MAGI3: variants seen among roughly 807,000 people sequenced by gnomAD.
MAGI3 encodes membrane associated guanylate kinase, WW and PDZ domain containing 3, also known as membrane-associated guanylate kinase, WW and PDZ domain-containing protein 3.
In MAGI3, 43 loss-of-function variants were observed where a neutral mutation model predicts 121.8. The observed-to-expected ratio is 0.35, with a 90% CI of 0.28 to 0.46. The LOEUF (loss-of-function observed/expected upper bound fraction) is 0.46. Among genes scored for constraint, MAGI3 ranks in the 20% least tolerant of loss-of-function variants. The pLI, the probability that MAGI3 is intolerant of heterozygous loss-of-function variation, is 1.00. For synonymous variants in MAGI3, 553 were observed against 639.3 expected (o/e 0.86, Z 2.04); for missense variants, 1,547 against 1,797.3 (o/e 0.86, Z 2.52).
At chr1:113,481,083 C>T (rs1557779847) in intron 1 of MAGI3, among the ~76,000 whole-genome samples, 1 of 152,182 alleles carries the variant, frequency 6.6e-6, no homozygotes, top group South Asian at 2.1e-4. Flanking sequence ...CTATGCATCT[C>T]TCTTCTTTCC....
At position 113,506,586 on chromosome 1, in the gene MAGI3, CT is replaced by C. The variant is rs1557792521; in HGVS notation, c.317-42928del. 3.3e-5 allele frequency among the ~76,000 whole-genome samples: 5 copies of C among 152,144 alleles called. No homozygotes were observed. In the South Asian group the frequency reaches 1.0e-3, roughly 31 times the overall value. On this transcript the variant is annotated intron_variant, in intron 1 of 20. Transcript: ENST00000307546. Reference sequence around the variant, plus strand: ...CAAAGTATTGGTTTAAGTGCTTTTGCTATATTAAATCCTTTTATCCTCAAAC... The same window carrying C: ...CAAAGTATTGGTTTAAGTGCTTTTGCATATTAAATCCTTTTATCCTCAAAC...
chr1:113,480,960 A>G (rs1347333886), intron 1 of MAGI3, among the ~76,000 whole-genome samples: 1 of 152,230 alleles, frequency 6.6e-6, no homozygotes, highest in Non-Finnish European at 1.5e-5. Flanking sequence ...GACCTGGTCC[A>G]CAAAAGCCAG....
intron 1 of MAGI3, among the ~76,000 whole-genome samples, chr1:113,392,021 G>C (rs564869730): frequency 1.3e-5 from 2 of 152,330 alleles, no homozygotes; most frequent in East Asian, 3.9e-4. Context: ...CTTCTGTAAC[G>C]CTTTTGATTT....
intron 16 of MAGI3, among the ~76,000 whole-genome samples, chr1:113,663,615 G>A (rs1469341066): frequency 1.3e-5 from 2 of 152,022 alleles, no homozygotes; most frequent in African/African-American, 4.8e-5. Context: ...TCATTTGATA[G>A]ACATTTCAGT....
intron 9 of MAGI3, among the ~76,000 whole-genome samples, chr1:113,623,420 CAT>C (rs1176534906): frequency 6.8e-6 from 1 of 146,776 alleles, no homozygotes; most frequent in Non-Finnish European, 1.5e-5. Flanking sequence ...TATACACACA[CAT>C]ATATATAATA....
chr1:113,535,577 T>C (rs956016538), intron 1 of MAGI3, among the ~76,000 whole-genome samples: 16 of 152,328 alleles, frequency 1.1e-4, no homozygotes, highest in African/African-American at 3.8e-4. Flanking sequence ...TTTTTACATT[T>C]GTATTTGAAT....
chr1:113,683,345 C>T lies in MAGI3; in HGVS notation c.3777C>T (p.Ser1259=). Residue 1259 remains serine, a synonymous_variant, in exon 21 of 21, where the codon AGC becomes AGT. Coordinates refer to ENST00000307546, the MANE Select transcript of MAGI3 (RefSeq NM_001142782.2). ...RRPRDQSLSP[S]KGENKSCQVS... The stretch of plus-strand genomic sequence containing the variant: ...CCAGAGATCAATCCCTCAGCCCCAG[C>T]AAAGGGGAAAATAAAAGTTGTCAGG... The T allele has an allele frequency of 6.2e-7, 1 of 1,613,882 alleles. No individual in the cohort carries two copies. The highest frequency in any genetic ancestry group is 8.5e-7 in the Non-Finnish European group (1 of 1,179,880).
chr1:113,391,028 T>C lies in MAGI3; in HGVS notation c.-6T>C, dbSNP rs1307203897. ...GGGTCTCCCCCATGGTGCAGCGGGG[T>C]TCGGGATGTCGAAGACGCTGAAGAA... On this transcript the variant is annotated 5_prime_UTR_variant, in exon 1 of 21. Transcript: ENST00000307546. The surrounding 1 kb of genome is among the most constrained non-coding windows in gnomAD (Gnocchi z 4.4). 6.4e-7 allele frequency: 1 copy of C among 1,573,678 alleles called. No homozygotes were observed.
intron 1 of MAGI3, among the ~76,000 whole-genome samples, chr1:113,507,512 A>G (rs778806411): frequency 3.9e-5 from 6 of 152,164 alleles, no homozygotes; most frequent in Non-Finnish European, 4.4e-5. Flanking sequence ...AAGTTTGAAT[A>G]TCCTGTTGAT....
At chr1:113,462,562 G>A (rs543898163) in intron 1 of MAGI3, among the ~76,000 whole-genome samples, 1 of 152,200 alleles carries the variant, frequency 6.6e-6, no homozygotes, top group African/African-American at 2.4e-5. Flanking sequence ...TGATGGGGAG[G>A]GTGAAAGGAG....
At chr1:113,437,880 C>CTTCTTCTTCTTCTTCTTCTTCCTCTT (rs1557757197) in intron 1 of MAGI3, among the ~76,000 whole-genome samples, 10 of 17,004 alleles carry the variant, frequency 5.9e-4, no homozygotes, top group South Asian at 3.1e-3. Flanking sequence ...TTCTTCTTCT[C>CTTCTTCTTCTTCTTCTTCTTCCTCTT]CTTCTCCTTC....
chr1:113,463,654 A>G (rs553252371), intron 1 of MAGI3, among the ~76,000 whole-genome samples: 2 of 152,202 alleles, frequency 1.3e-5, no homozygotes, highest in South Asian at 4.1e-4. Flanking sequence ...CAAATTTTAC[A>G]ATAAATTTTG....
intron 2 of MAGI3, among the ~76,000 whole-genome samples, chr1:113,568,194 G>T (rs968533237): frequency 1.3e-5 from 2 of 151,992 alleles, no homozygotes; most frequent in Non-Finnish European, 2.9e-5. Context: ...GCATTCTATT[G>T]TAGGTAAATT....
chr1:113,458,443 G>A (rs758157288), intron 1 of MAGI3, among the ~76,000 whole-genome samples: 1 of 152,060 alleles, frequency 6.6e-6, no homozygotes, highest in Non-Finnish European at 1.5e-5. Flanking sequence ...AGTATCCCCC[G>A]GAAGTCATTA....
intron 1 of MAGI3, among the ~76,000 whole-genome samples, chr1:113,433,886 T>C (rs1936929): frequency 0.95 from 144,394 of 152,248 alleles, 68,511 homozygotes; most frequent in East Asian, 0.99. Flanking sequence ...ATCACACAGA[T>C]GTTGAGTCAC....
intron 16 of MAGI3, among the ~76,000 whole-genome samples, chr1:113,662,417 A>G (rs1213500898): frequency 2.6e-5 from 4 of 152,208 alleles, no homozygotes; most frequent in Non-Finnish European, 4.4e-5. Context: ...TATATCTGGT[A>G]GTTCCTGCTT....
At chr1:113,623,038 A>ATTTTTGTTATAGTAT in intron 9 of MAGI3, 44 bp downstream of exon 9, 1 of 1,317,702 alleles carries the variant, frequency 7.6e-7, no homozygotes, top group Non-Finnish European at 1.0e-6. Context: ...TGATACTATA[A>ATTTTTGTTATAGTAT]CAAAAATTAT....
chr1:113,425,439 C>T (rs918753940), intron 1 of MAGI3, among the ~76,000 whole-genome samples: 2 of 151,518 alleles, frequency 1.3e-5, no homozygotes, highest in South Asian at 2.1e-4. Context: ...CCCGCCACCA[C>T]GCCCGGCTAA....
At chr1:113,421,009 C>T (rs1012554229) in intron 1 of MAGI3, among the ~76,000 whole-genome samples, 7 of 147,112 alleles carry the variant, frequency 4.8e-5, no homozygotes, top group African/African-American at 1.7e-4. Flanking sequence ...TAGATTAAAA[C>T]TTTTTTTTTT....
Sources: gnomAD v4.1 joint callset for allele counts (sites outside exome capture counted in the v4.1 genomes callset) on GRCh38, gnomAD v4.1.1 for gene constraint, Gnocchi (gnomAD v3.1) non-coding constraint, MANE v1.5 for transcripts, NCBI Gene and HGNC (gene_info 2026-07-23, HGNC 2026-07-21) for gene names.